Variants in RAB27B observed in about 807,000 individuals in gnomAD.
RAB27B encodes the protein ras-related protein Rab-27B.
A neutral mutation model predicts 24.6 loss-of-function variants in RAB27B; 15 were observed. That is an observed-to-expected ratio of 0.61 (90% CI 0.41 to 0.94). The LOEUF (loss-of-function observed/expected upper bound fraction) is 0.94, where lower values mean the gene tolerates loss of function less well. Among genes scored for constraint, RAB27B ranks in the 40% least tolerant of loss-of-function variants. The pLI is 0.00. For missense variants in RAB27B, 261 were observed against 266.8 expected, an observed-to-expected ratio of 0.98 and a Z score of 0.15; for synonymous variants, 105 against 92.5, an observed-to-expected ratio of 1.14 and a Z score of -0.78.
At chr18:54,729,935 C>T (rs1909676022) in intron 2 of RAB27B, among the ~76,000 whole-genome samples, 1 of 152,100 alleles carries the variant, frequency 6.6e-6, no homozygotes, top group South Asian at 2.1e-4. Context: ...AAATGACTCT[C>T]GAAGAGTTCT....
chr18:54,858,827 T>G (rs1339574829), intron 1 of RAB27B, among the ~76,000 whole-genome samples: 1 of 152,210 alleles, frequency 6.6e-6, no homozygotes, highest in African/African-American at 2.4e-5. Flanking sequence ...AGAGCATTCT[T>G]TGACACTGGA....
At chr18:54,788,438 G>C (rs1039702124) in intron 2 of RAB27B, among the ~76,000 whole-genome samples, 8 of 152,168 alleles carry the variant, frequency 5.3e-5, no homozygotes, top group African/African-American at 1.9e-4. Context: ...GAATAGCTGG[G>C]ATTACAGGTG....
chr18:54,817,408 G>T (rs893268143), intron 2 of RAB27B, among the ~76,000 whole-genome samples: 1 of 152,052 alleles, frequency 6.6e-6, no homozygotes, highest in Non-Finnish European at 1.5e-5. Flanking sequence ...ATAATGTATA[G>T]GCTTCCAAAA....
At chr18:54,767,355 T>C (rs1160161905) in intron 2 of RAB27B, among the ~76,000 whole-genome samples, 1 of 152,100 alleles carries the variant, frequency 6.6e-6, no homozygotes, top group Admixed American at 6.6e-5. Context: ...GTTATACAGC[T>C]CTTCTAACTA....
chr18:54,829,636 A>T (rs552109860), intron 1 of RAB27B, among the ~76,000 whole-genome samples: 2 of 152,210 alleles, frequency 1.3e-5, no homozygotes, highest in Non-Finnish European at 2.9e-5. Context: ...AGTTATATTC[A>T]CACATATTCA....
chr18:54,847,231 G>A (rs1382100886), intron 1 of RAB27B, among the ~76,000 whole-genome samples: 1 of 152,134 alleles, frequency 6.6e-6, no homozygotes, highest in Non-Finnish European at 1.5e-5. Context: ...ATTCCTACAG[G>A]GATCTGAAGT....
At chr18:54,753,937 C>T (rs965754819) in intron 2 of RAB27B, among the ~76,000 whole-genome samples, 34 of 152,168 alleles carry the variant, frequency 2.2e-4, no homozygotes, top group African/African-American at 7.7e-4. Flanking sequence ...TTCTCTATCT[C>T]CACTTAGAGA....
chr18:54,804,876 T>TA (rs1361986517), intron 2 of RAB27B, among the ~76,000 whole-genome samples: 2 of 82,582 alleles, frequency 2.4e-5, no homozygotes, highest in African/African-American at 8.8e-5. Flanking sequence ...TTTTTTTCTT[T>TA]TTTCTTTCTT....
At chr18:54,771,848 T>G (rs1008176397) in intron 2 of RAB27B, among the ~76,000 whole-genome samples, 1 of 152,186 alleles carries the variant, frequency 6.6e-6, no homozygotes, top group Non-Finnish European at 1.5e-5. Flanking sequence ...CCTTGGATAC[T>G]GTGATCTGAA....
At chr18:54,720,767 T>C (rs569699278) in intron 2 of RAB27B, among the ~76,000 whole-genome samples, 1 of 152,198 alleles carries the variant, frequency 6.6e-6, no homozygotes, top group Non-Finnish European at 1.5e-5. Flanking sequence ...ACTGAATGGA[T>C]GAGAAAAAGA....
At chr18:54,741,933 T>A (rs1262052951) in intron 2 of RAB27B, among the ~76,000 whole-genome samples, 1 of 152,214 alleles carries the variant, frequency 6.6e-6, no homozygotes, top group Admixed American at 6.5e-5. Flanking sequence ...GTTAAATACT[T>A]GCAAAAACAA....
upstream of RAB27B, among the ~76,000 whole-genome samples, chr18:54,825,960 T>C (rs550645239): frequency 3.9e-5 from 6 of 152,378 alleles, no homozygotes; most frequent in Non-Finnish European, 8.8e-5. Context: ...CCTGCAGGCA[T>C]GCAGTGTATA....
At chr18:54,737,089 A>G (rs1368508027) in intron 2 of RAB27B, among the ~76,000 whole-genome samples, 1 of 152,156 alleles carries the variant, frequency 6.6e-6, no homozygotes, top group Non-Finnish European at 1.5e-5. Flanking sequence ...CATGCTTCTC[A>G]TTCACAATTG....
intron 1 of RAB27B, among the ~76,000 whole-genome samples, chr18:54,845,850 C>T (rs1911316313): frequency 6.6e-6 from 1 of 152,094 alleles, no homozygotes; most frequent in Admixed American, 6.6e-5. Context: ...GCAAATCTGC[C>T]TGCTTAATAA....
At chr18:54,796,947 A>G (rs949297348) in intron 2 of RAB27B, among the ~76,000 whole-genome samples, 4 of 152,178 alleles carry the variant, frequency 2.6e-5, no homozygotes, top group African/African-American at 9.7e-5. Context: ...GTAAAGACAT[A>G]ATTTTCTGCA....
chr18:54,801,023 T>G (rs1598914112), intron 2 of RAB27B, among the ~76,000 whole-genome samples: 1 of 146,072 alleles, frequency 6.8e-6, no homozygotes, highest in African/African-American at 2.5e-5. Context: ...TTTTTTTTTT[T>G]TTTTTTTTTA....
intron 1 of RAB27B, among the ~76,000 whole-genome samples, chr18:54,862,239 A>G (rs1912038418): frequency 6.6e-6 from 1 of 152,194 alleles, no homozygotes; most frequent in Non-Finnish European, 1.5e-5. Flanking sequence ...TAAAATTATA[A>G]TATTTTGGGG....
At chr18:54,752,174 A>G (rs1907854378) in intron 2 of RAB27B, among the ~76,000 whole-genome samples, 1 of 152,146 alleles carries the variant, frequency 6.6e-6, no homozygotes, top group South Asian at 2.1e-4. Flanking sequence ...CTTTTTTCAA[A>G]TTTATTTTAA....
At chr18:54,798,770 CTAAA>C (rs1909505461) in intron 2 of RAB27B, among the ~76,000 whole-genome samples, 1 of 152,268 alleles carries the variant, frequency 6.6e-6, no homozygotes, top group Non-Finnish European at 1.5e-5. Context: ...TAGTTGAACA[CTAAA>C]TACAATTATT....
Sources: allele counts gnomAD v4.1 joint callset (sites outside exome capture counted in the v4.1 genomes callset), GRCh38; gene constraint gnomAD v4.1.1; transcripts MANE v1.5; gene names NCBI Gene and HGNC (gene_info 2026-07-23, HGNC 2026-07-21).